Variants in GALNT13 observed in about 807,000 individuals in gnomAD.
GALNT13 encodes UDP-GalNAc:polypeptide N-acetylgalactosaminyltransferase 13.
Under a neutral mutation model 64.2 loss-of-function variants are expected in GALNT13, and 28 were observed. The ratio of observed to expected loss-of-function variants is 0.44; its 90% CI spans 0.32 to 0.60. The LOEUF (loss-of-function observed/expected upper bound fraction) is 0.60. GALNT13 is among the 20% of genes least tolerant of loss of function. GALNT13 has a pLI of 0.05. For missense variants in GALNT13, 577 were observed against 669.8 expected, an observed-to-expected ratio of 0.86 and a Z score of 1.53; for synonymous variants, 214 against 224.6, an observed-to-expected ratio of 0.95 and a Z score of 0.42.
the GALNT13 span, among the ~76,000 whole-genome samples, chr2:153,425,216 T>C: frequency 2.0e-5 from 3 of 151,668 alleles, no homozygotes; most frequent in Admixed American, 1.3e-4. Flanking sequence ...TTGTAGACTT[T>C]TTGAAAAAAT....
At chr2:153,494,126 G>T in the GALNT13 span, among the ~76,000 whole-genome samples, 1 of 151,690 alleles carries the variant, frequency 6.6e-6, no homozygotes, top group East Asian at 1.9e-4. Context: ...ACATCACTGA[G>T]AAAAATTTAA....
At position 154,053,379 on chromosome 2, in the gene GALNT13, T is replaced by C. The variant is rs186065006; in HGVS notation, c.143-86958T>C. Among the ~76,000 whole-genome samples, 216 of 151,080 alleles carry C rather than the reference T, an allele frequency of 1.4e-3. 1 individual carries two copies. The highest frequency in any genetic ancestry group is 4.9e-3 in the African/African-American group (203 of 41,490). ...TTTCCTATTATTATTTCCCTTCACT[T>C]AACTTTTTTTTTTCTTTTTCCTTTT... On this transcript the variant is annotated intron_variant, in intron 3 of 12. Transcript: ENST00000392825.
intron 3 of GALNT13, among the ~76,000 whole-genome samples, chr2:154,062,919 G>A (rs968296966): frequency 2.6e-5 from 4 of 151,490 alleles, no homozygotes; most frequent in Middle Eastern, 3.4e-3. Context: ...AATTGCTTTC[G>A]TCATAATTTT....
the GALNT13 span, among the ~76,000 whole-genome samples, chr2:153,589,314 C>T: frequency 6.6e-6 from 1 of 152,114 alleles, no homozygotes; most frequent in Non-Finnish European, 1.5e-5. Context: ...CATCTGAGAC[C>T]ACCTCATCCT....
chr2:153,180,431 A>AT, the GALNT13 span, among the ~76,000 whole-genome samples: 886 of 152,196 alleles, frequency 5.8e-3, 12 homozygotes, highest in African/African-American at 0.02. Flanking sequence ...GTTTGCTAGT[A>AT]TTTTTTTGAG....
At chr2:154,413,569 A>T (rs1443070184) in intron 11 of GALNT13, among the ~76,000 whole-genome samples, 2 of 151,968 alleles carry the variant, frequency 1.3e-5, no homozygotes, top group Non-Finnish European at 2.9e-5. Context: ...TTCCAGCCTG[A>T]TCTACCTTGA....
At chr2:153,448,998 C>T in the GALNT13 span, among the ~76,000 whole-genome samples, 8 of 152,102 alleles carry the variant, frequency 5.3e-5, no homozygotes, top group Non-Finnish European at 1.0e-4. Context: ...CTTTCTGTCT[C>T]TCTCTCCCTG....
chr2:154,295,424 C>T (rs981182952), intron 8 of GALNT13, among the ~76,000 whole-genome samples: 1 of 150,876 alleles, frequency 6.6e-6, no homozygotes, highest in Non-Finnish European at 1.5e-5. Context: ...AGTGCAGTGG[C>T]GCGACCTTGG....
chr2:153,621,649 ACACT>A, the GALNT13 span, among the ~76,000 whole-genome samples: 1 of 152,088 alleles, frequency 6.6e-6, no homozygotes, highest in Non-Finnish European at 1.5e-5. Context: ...AGTTGAGGTG[ACACT>A]CAAACCCCAA....
chr2:154,313,657 G>A (rs1008693701), intron 9 of GALNT13, among the ~76,000 whole-genome samples: 2 of 151,786 alleles, frequency 1.3e-5, no homozygotes, highest in Admixed American at 1.3e-4. Context: ...GTTTCACCAT[G>A]TTGGCCAGGA....
chr2:154,377,555 C>T (rs924347458), intron 9 of GALNT13, among the ~76,000 whole-genome samples: 1 of 152,120 alleles, frequency 6.6e-6, no homozygotes, highest in Admixed American at 6.5e-5. Flanking sequence ...CATACATTCA[C>T]CTCAAATTAT....
chr2:153,942,142 G>A (rs905577168), intron 2 of GALNT13, among the ~76,000 whole-genome samples: 2 of 151,968 alleles, frequency 1.3e-5, no homozygotes, highest in Middle Eastern at 3.4e-3. Flanking sequence ...TTTCTTGAAC[G>A]ATTTTTTAAA....
At chr2:153,545,376 A>G in the GALNT13 span, among the ~76,000 whole-genome samples, 3 of 152,244 alleles carry the variant, frequency 2.0e-5, no homozygotes, top group Admixed American at 6.5e-5. Flanking sequence ...TTCCATGTAC[A>G]CATCTTAGCC....
intron 9 of GALNT13, among the ~76,000 whole-genome samples, chr2:154,318,361 A>C (rs951025112): frequency 2.0e-5 from 3 of 152,234 alleles, no homozygotes; most frequent in Non-Finnish European, 4.4e-5. Flanking sequence ...CATTAGAAAG[A>C]AGGAAGGAGT....
the GALNT13 span, among the ~76,000 whole-genome samples, chr2:153,298,930 A>G: frequency 2.0e-5 from 3 of 152,312 alleles, no homozygotes; most frequent in Non-Finnish European, 4.4e-5. Flanking sequence ...ATTTTCATAA[A>G]GGAATAGATA....
the GALNT13 span, among the ~76,000 whole-genome samples, chr2:153,376,024 C>G: frequency 3.9e-5 from 6 of 152,040 alleles, no homozygotes; most frequent in African/African-American, 1.4e-4. Context: ...TAACAGAATT[C>G]ACTCATCCCT....
At chr2:153,850,592 A>T in the GALNT13 span, among the ~76,000 whole-genome samples, 1 of 152,244 alleles carries the variant, frequency 6.6e-6, no homozygotes, top group Non-Finnish European at 1.5e-5. Flanking sequence ...CAGTTAAAAC[A>T]TGTAGAAAAG....
the GALNT13 span, among the ~76,000 whole-genome samples, chr2:153,370,099 T>G: frequency 8.5e-5 from 13 of 152,280 alleles, no homozygotes; most frequent in Admixed American, 2.6e-4. Flanking sequence ...AACATAAATG[T>G]TAGCGAACCA....
At chr2:154,167,071 A>G (rs77934200) in intron 4 of GALNT13, among the ~76,000 whole-genome samples, 12,348 of 152,190 alleles carry the variant, frequency 0.081, 1,448 homozygotes, top group East Asian at 0.62. Context: ...GCACATGTAT[A>G]CATATGTAAC....
Sources: gnomAD v4.1 joint callset for allele counts (sites outside exome capture counted in the v4.1 genomes callset) on GRCh38, gnomAD v4.1.1 for gene constraint, MANE v1.5 for transcripts, NCBI Gene and HGNC (gene_info 2026-07-23, HGNC 2026-07-21) for gene names.